Variants in NRXN1 observed in about 807,000 individuals in gnomAD.
The protein encoded by NRXN1 is neurexin 1, also known as neurexin-1.
A neutral mutation model predicts 150.9 loss-of-function variants in NRXN1; 39 were observed. That is an observed-to-expected ratio of 0.26 (90% confidence interval 0.20 to 0.34). The LOEUF is 0.34. Among genes scored for constraint, NRXN1 ranks in the 10% least tolerant of loss-of-function variants. The probability of loss-of-function intolerance (pLI) is 1.00; values close to 1 mark genes in which losing one functional copy is unlikely to be tolerated. For missense variants in NRXN1, 1,815 were observed against 1,949.9 expected, an observed-to-expected ratio of 0.93 and a Z score of 1.30; for synonymous variants, 924 against 757.0, an observed-to-expected ratio of 1.22 and a Z score of -3.62.
chr2:50,492,563 C>T (rs1047305898), intron 15 of NRXN1, among the ~76,000 whole-genome samples: 10 of 152,110 alleles, frequency 6.6e-5, no homozygotes, highest in African/African-American at 2.4e-4. Flanking sequence ...TTTTAGATGT[C>T]TGAAAACAAA....
chr2:50,627,989 C>G (rs1025515853), intron 5 of NRXN1, among the ~76,000 whole-genome samples: 33 of 151,738 alleles, frequency 2.2e-4, no homozygotes, highest in Non-Finnish European at 5.9e-5. Flanking sequence ...GTGTTTTAGT[C>G]TACTTAGTTT....
intron 5 of NRXN1, among the ~76,000 whole-genome samples, chr2:50,754,622 G>C (rs1375748273): frequency 1.3e-5 from 2 of 151,724 alleles, no homozygotes; most frequent in African/African-American, 4.8e-5. Flanking sequence ...TGTTTGCTGT[G>C]GTTCTTTTTC....
At chr2:50,010,670 G>T (rs1263342118) in intron 21 of NRXN1, among the ~76,000 whole-genome samples, 1 of 152,066 alleles carries the variant, frequency 6.6e-6, no homozygotes. Flanking sequence ...TGGTCCTGCT[G>T]CAACTTGTTT....
At chr2:49,964,330 A>G (rs753738218) in intron 21 of NRXN1, among the ~76,000 whole-genome samples, 3 of 152,218 alleles carry the variant, frequency 2.0e-5, no homozygotes, top group African/African-American at 7.2e-5. Context: ...CTGTAATCCC[A>G]GCACTTTGGG....
intron 5 of NRXN1, among the ~76,000 whole-genome samples, chr2:50,659,107 A>G (rs1007384659): frequency 6.6e-6 from 1 of 151,962 alleles, no homozygotes; most frequent in Non-Finnish European, 1.5e-5. Flanking sequence ...CATGCCACAC[A>G]TGTGAGACAG....
rs74749366 is a variant in NRXN1 at position 50,570,128 on chromosome 2, A to G, written c.1321-17103T>C. Among the ~76,000 whole-genome samples, 1,031 of 152,276 alleles carry G rather than the reference A, an allele frequency of 6.8e-3. 14 individuals carry two copies. The highest frequency in any genetic ancestry group is 0.023 in the African/African-American group (953 of 41,556). On this transcript the variant is annotated intron_variant, in intron 8 of 22. Transcript: ENST00000401669. ...TAGAATATTTCTATTGATATTTTGG[A>G]GGGATCTATAAGAAGCCAATATCAA...
Position 50,755,537 on chromosome 2 carries a change from G to C in NRXN1, c.833-131922C>G, listed in dbSNP as rs146763615. The stretch of plus-strand genomic sequence containing the variant: ...AGAGCCTGTGATCCACAAAAGACAG[G>C]ATAGATTTTTATTACCTGCTGTAAT... On this transcript the variant is annotated intron_variant, in intron 5 of 22. Coordinates refer to ENST00000401669, the MANE Select transcript of NRXN1 (RefSeq NM_001330078.2). 2.5e-3 allele frequency among the ~76,000 whole-genome samples: 372 copies of C among 151,796 alleles called. 2 individuals carry two copies. The highest frequency in any genetic ancestry group is 8.6e-3 in the African/African-American group (358 of 41,450).
intron 18 of NRXN1, among the ~76,000 whole-genome samples, chr2:50,170,471 A>G (rs2152800344): frequency 6.6e-6 from 1 of 152,020 alleles, no homozygotes; most frequent in African/African-American, 2.4e-5. Context: ...AATTTTTTGC[A>G]GTTTTACTAG....
At chr2:50,803,175 C>A (rs1707849969) in intron 5 of NRXN1, among the ~76,000 whole-genome samples, 1 of 152,102 alleles carries the variant, frequency 6.6e-6, no homozygotes, top group South Asian at 2.1e-4. Flanking sequence ...CTCATTTCTG[C>A]TGATTTGATT....
intron 5 of NRXN1, among the ~76,000 whole-genome samples, chr2:50,861,326 C>T (rs1364665992): frequency 6.6e-6 from 1 of 152,080 alleles, no homozygotes; most frequent in Non-Finnish European, 1.5e-5. Flanking sequence ...CATCCTCCCA[C>T]CTCGGCCTTC....
intron 2 of NRXN1, among the ~76,000 whole-genome samples, chr2:51,000,622 G>A (rs1699909326): frequency 6.6e-6 from 1 of 151,868 alleles, no homozygotes; most frequent in African/African-American, 2.4e-5. Context: ...CATGATTGAG[G>A]ATTAGATGAC....
intron 19 of NRXN1, among the ~76,000 whole-genome samples, chr2:50,058,998 G>C (rs139961221): frequency 1.3e-5 from 2 of 152,252 alleles, no homozygotes; most frequent in East Asian, 3.9e-4. Flanking sequence ...ATTAGTACTG[G>C]TAAAGTGGAG....
intron 17 of NRXN1, among the ~76,000 whole-genome samples, chr2:50,353,838 T>G (rs577656881): frequency 1.3e-5 from 2 of 152,272 alleles, no homozygotes; most frequent in Admixed American, 1.3e-4. Context: ...TGCTCAAACT[T>G]TAGTGTGCAT....
intron 8 of NRXN1, among the ~76,000 whole-genome samples, chr2:50,607,865 T>C (rs776507030): frequency 6.6e-6 from 1 of 152,112 alleles, no homozygotes; most frequent in Non-Finnish European, 1.5e-5. Flanking sequence ...ATTACTTAGA[T>C]AGTCAACGCA....
chr2:50,605,512 C>T (rs1256121399), intron 8 of NRXN1, among the ~76,000 whole-genome samples: 9 of 152,030 alleles, frequency 5.9e-5, no homozygotes, highest in Non-Finnish European at 1.3e-4. Flanking sequence ...ATACAAATGG[C>T]CAACAGGTAT....
chr2:50,371,146 A>G (rs2079992100), intron 17 of NRXN1, among the ~76,000 whole-genome samples: 1 of 151,852 alleles, frequency 6.6e-6, no homozygotes, highest in African/African-American at 2.4e-5. Context: ...TGTAAAATGG[A>G]CTCACCCTGG....
chr2:51,027,375 G>A, intron 2 of NRXN1, 127 bp downstream of exon 2: 1 of 964,634 alleles, frequency 1.0e-6, no homozygotes, highest in Non-Finnish European at 1.4e-6. Flanking sequence ...CAGAAACAAG[G>A]TCCTTCCCTC....
intron 5 of NRXN1, among the ~76,000 whole-genome samples, chr2:50,721,526 T>C (rs1207454985): frequency 6.6e-6 from 1 of 152,198 alleles, no homozygotes; most frequent in Admixed American, 6.5e-5. Flanking sequence ...ATTTCTCATA[T>C]AATGTGTTCT....
chr2:49,997,500 C>T (rs1202721684), intron 21 of NRXN1, among the ~76,000 whole-genome samples: 1 of 152,110 alleles, frequency 6.6e-6, no homozygotes, highest in African/African-American at 2.4e-5. Flanking sequence ...AAAAGTATGT[C>T]ATCTACAAGT....
Sources: gnomAD v4.1 joint callset for allele counts (sites outside exome capture counted in the v4.1 genomes callset) on GRCh38, gnomAD v4.1.1 for gene constraint, MANE v1.5 for transcripts, NCBI Gene and HGNC (gene_info 2026-07-23, HGNC 2026-07-21) for gene names.